MSL3B: variants seen among roughly 807,000 people sequenced by gnomAD.
The protein encoded by MSL3B is MSL complex subunit 3 pseudogene 1.
chr2:233,867,498 A>G, the MSL3B span: 4 of 324,808 alleles, frequency 1.2e-5, no homozygotes, highest in Non-Finnish European at 2.3e-5. Context: ...TTTTGTGACA[A>G]GAGTTTCGGT....
At chr2:233,867,046 A>T in the MSL3B span, 4 of 1,236,702 alleles carry the variant, frequency 3.2e-6, no homozygotes, top group Non-Finnish European at 4.8e-6. Context: ...TGATAGCAAA[A>T]TGCTTCACAT....
chr2:233,865,977 G>A, the MSL3B span: 1 of 369,616 alleles, frequency 2.7e-6, no homozygotes, highest in East Asian at 7.0e-5. Flanking sequence ...ACAGTACATG[G>A]GGAACTCAAA....
the MSL3B span, chr2:233,866,567 TCCTGCTG>T: frequency 3.3e-6 from 3 of 907,088 alleles, no homozygotes; most frequent in Non-Finnish European, 5.6e-6. Context: ...GGTGGACATG[TCCTGCTG>T]CCAGCGCTTG....
the MSL3B span, chr2:233,866,337 G>A: frequency 1.2e-6 from 1 of 811,618 alleles, no homozygotes; most frequent in Non-Finnish European, 2.2e-6. Flanking sequence ...AGCAAATGTT[G>A]CGCCCCGTAA....
the MSL3B span, chr2:233,865,957 C>A: frequency 5.7e-6 from 2 of 350,236 alleles, no homozygotes; most frequent in Non-Finnish European, 5.5e-6. Flanking sequence ...TAATTCTAAA[C>A]AGAGTAACTA....
At chr2:233,867,810 T>TTTTTG in the MSL3B span, among the ~76,000 whole-genome samples, 3 of 126,152 alleles carry the variant, frequency 2.4e-5, no homozygotes, top group South Asian at 2.6e-4. Flanking sequence ...TTTTTTTTTT[T>TTTTTG]GAGACAGAGT....
At chr2:233,866,848 A>C in the MSL3B span, 1 of 1,209,450 alleles carries the variant, frequency 8.3e-7, no homozygotes, top group Non-Finnish European at 1.2e-6. Context: ...TCACCTTTTT[A>C]TACTGAGCTT....
At chr2:233,867,057 A>G in the MSL3B span, 1 of 1,215,954 alleles carries the variant, frequency 8.2e-7, no homozygotes, top group Non-Finnish European at 1.2e-6. Flanking sequence ...TGCTTCACAT[A>G]GGATTCCAAA....
At chr2:233,867,013 C>G in the MSL3B span, 1 of 1,282,034 alleles carries the variant, frequency 7.8e-7, no homozygotes, top group Non-Finnish European at 1.1e-6. Flanking sequence ...GACGAGGCCT[C>G]TCATTGGCTG....
the MSL3B span, chr2:233,865,559 TC>T: frequency 2.6e-5 from 4 of 152,364 alleles, no homozygotes; most frequent in Non-Finnish European, 4.4e-5. Context: ...GGCAATGCTT[TC>T]TTTAGATCAC....
At chr2:233,865,904 A>G in the MSL3B span, 5 of 319,500 alleles carry the variant, frequency 1.6e-5, no homozygotes, top group Non-Finnish European at 2.4e-5. Flanking sequence ...TGGCCTACAA[A>G]GTAGCAAGTG....
At chr2:233,866,282 A>T in the MSL3B span, 1 of 749,672 alleles carries the variant, frequency 1.3e-6, no homozygotes, top group Non-Finnish European at 2.5e-6. Flanking sequence ...CTTCTCAGTA[A>T]AGGACATTTT....
At chr2:233,866,356 G>A in the MSL3B span, 17 of 844,336 alleles carry the variant, frequency 2.0e-5, no homozygotes, top group Non-Finnish European at 2.7e-5. Context: ...AAATGTAAGA[G>A]GGTGGAGGTG....
the MSL3B span, chr2:233,866,488 A>G: frequency 1.6e-6 from 2 of 1,258,914 alleles, no homozygotes; most frequent in Admixed American, 1.7e-5. Flanking sequence ...TAGGAGTCAG[A>G]GTAGGTGAAG....
At chr2:233,864,912 T>A in the MSL3B span, among the ~76,000 whole-genome samples, 1 of 138,674 alleles carries the variant, frequency 7.2e-6, no homozygotes, top group Non-Finnish European at 1.6e-5. Flanking sequence ...CTAGGAAGAA[T>A]CCATCTGGAC....
the MSL3B span, chr2:233,866,180 GCGAC>G: frequency 4.7e-6 from 3 of 638,584 alleles, no homozygotes; most frequent in South Asian, 4.1e-5. Flanking sequence ...CTCAGAGGCA[GCGAC>G]GTAAGCTGAC....
At chr2:233,868,009 T>G in the MSL3B span, 1 of 193,320 alleles carries the variant, frequency 5.2e-6, no homozygotes, top group African/African-American at 2.4e-5. Context: ...CAGGCTGGTC[T>G]CAAACTCCTG....
the MSL3B span, chr2:233,866,049 A>G: frequency 4.9e-6 from 2 of 412,362 alleles, no homozygotes; most frequent in East Asian, 5.9e-5. Flanking sequence ...TCTGGATAAA[A>G]ACCCACCACC....
chr2:233,866,984 T>C, the MSL3B span: 6 of 1,321,162 alleles, frequency 4.5e-6, no homozygotes, highest in African/African-American at 4.3e-5. Context: ...CATGCTGGCA[T>C]GTGGCATAGC....
Sources: gnomAD v4.1 joint callset for allele counts (sites outside exome capture counted in the v4.1 genomes callset) on GRCh38, gnomAD v4.1.1 for gene constraint, MANE v1.5 for transcripts, NCBI Gene and HGNC (gene_info 2026-07-23, HGNC 2026-07-21) for gene names.